PCDHGB4: variants seen among roughly 807,000 people sequenced by gnomAD.
The protein encoded by PCDHGB4 is protocadherin gamma-B4.
PCDHGB4 carries 38 observed loss-of-function variants against 60.5 expected under a neutral mutation model. That is an observed-to-expected ratio of 0.63 (90% CI 0.48 to 0.82). The LOEUF (loss-of-function observed/expected upper bound fraction) is 0.82, where lower values mean the gene tolerates loss of function less well. Ranked by LOEUF, PCDHGB4 falls within the 40% of genes least tolerant of loss-of-function variation. The probability of loss-of-function intolerance (pLI) is 0.00; values close to 1 mark genes in which losing one functional copy is unlikely to be tolerated. For synonymous variants in PCDHGB4, 456 were observed against 509.7 expected, an observed-to-expected ratio of 0.89 and a Z score of 1.42; for missense variants, 1,109 against 1,209.6, an observed-to-expected ratio of 0.92 and a Z score of 1.23.
intron 1 of PCDHGB4, among the ~76,000 whole-genome samples, chr5:141,425,382 G>A (rs1455106607): frequency 1.3e-5 from 2 of 152,208 alleles, no homozygotes; most frequent in African/African-American, 4.8e-5. Context: ...TTGATTCGGA[G>A]GTAGTGATAA....
chr5:141,393,460 A>T, intron 1 of PCDHGB4: 1 of 1,614,052 alleles, frequency 6.2e-7, no homozygotes, highest in Non-Finnish European at 8.5e-7. Flanking sequence ...ACGGCCTCGG[A>T]TGGCGGCAAG....
chr5:141,456,973 A>G (rs1276476368), intron 1 of PCDHGB4, among the ~76,000 whole-genome samples: 2 of 147,412 alleles, frequency 1.4e-5, no homozygotes, highest in Admixed American at 6.7e-5. Flanking sequence ...AAAACAAAAC[A>G]AACAAACAAA....
At chr5:141,452,460 G>A (rs750887712) in intron 1 of PCDHGB4, among the ~76,000 whole-genome samples, 1 of 152,140 alleles carries the variant, frequency 6.6e-6, no homozygotes, top group Non-Finnish European at 1.5e-5. Flanking sequence ...GTCAGCAGAC[G>A]GAGCTAGGAA....
intron 1 of PCDHGB4, among the ~76,000 whole-genome samples, chr5:141,400,971 C>T (rs1161811260): frequency 6.6e-6 from 1 of 152,138 alleles, no homozygotes; most frequent in African/African-American, 2.4e-5. Flanking sequence ...TCATCTCTTT[C>T]TTATGTTCCT....
chr5:141,420,318 T>C, intron 1 of PCDHGB4: 1 of 1,446,376 alleles, frequency 6.9e-7, no homozygotes, highest in Non-Finnish European at 9.3e-7. Context: ...TATTACAATA[T>C]GCCAATATAT....
At chr5:141,390,352 A>C (rs1340044054) in intron 1 of PCDHGB4, 71 bp downstream of exon 1, 1 of 1,557,524 alleles carries the variant, frequency 6.4e-7, no homozygotes, top group African/African-American at 1.4e-5. Context: ...GAAAATATAC[A>C]TATTTGCAGG....
In PCDHGB4 at chr5:141,388,840, C is replaced by A. The variant is rs764876092; in HGVS notation, c.956C>A (p.Ala319Glu). The stretch of plus-strand genomic sequence containing the variant: ...AAAGAATATTCCATAGTTTTGGAAG[C>A]AAGGGACGGTGGAGGAATGATTGCG... ...EVKEYSIVLE[A>E]RDGGGMIAQC... Residue 319 changes from alanine to glutamate, a missense_variant, in exon 1 of 4, where the codon GCA (alanine) becomes GAA (glutamate). By Grantham distance (107) the Ala-to-Glu change is moderately radical (BLOSUM62 -1). Coordinates refer to ENST00000519479, the MANE Select transcript of PCDHGB4 (RefSeq NM_003736.4). 4 of 1,613,900 alleles carry A rather than the reference C, an allele frequency of 2.5e-6. No homozygotes were observed. The South Asian group carries it at 4.4e-5, about 18-fold the overall frequency.
At chr5:141,440,155 A>C (rs1250255277) in intron 1 of PCDHGB4, 1 of 152,238 alleles carries the variant, frequency 6.6e-6, no homozygotes, top group Non-Finnish European at 1.5e-5. Flanking sequence ...CCCCAATTAT[A>C]GCTTGGGCCA....
rs2097370658 is a variant in PCDHGB4 at position 141,431,413 on chromosome 5, C to T, written c.2397+41132C>T. The T allele has an allele frequency of 1.2e-6, 2 of 1,613,564 alleles. No homozygotes were observed. Among genetic ancestry groups the T allele is most frequent in the African/African-American group, 2.7e-5 (2 of 74,952 alleles). ...TGGTCCTTACGGCCTCCGACGGGGG[C>T]GACCCGGTGCGCACAGGCACCGCGC... On this transcript the variant is annotated intron_variant, in intron 1 of 3. Transcript: ENST00000519479. This position sits in a 1 kb window ranked among gnomAD's most constrained non-coding sequence, Gnocchi z 4.8.
At position 141,388,026 on chromosome 5, in the gene PCDHGB4, G is replaced by A; in HGVS notation, c.142G>A (p.Gly48Arg). Residue 48 changes from glycine to arginine, a missense_variant, in exon 1 of 4, where the codon GGG (glycine) becomes AGG (arginine). This residue lies in a region of PCDHGB4 where 41 missense variants were observed against 119.7 expected (regional missense o/e 0.34). Coordinates refer to ENST00000519479, the MANE Select transcript of PCDHGB4 (RefSeq NM_003736.4). ...GGAAATGCCCAAGGGCTCCGTAGTG[G>A]GGAACCTCGCCACGGACCTGGGGTT... ...PEEMPKGSVV[G>R]NLATDLGFSV... 6.9e-7 allele frequency: 1 copy of A among 1,446,900 alleles called. No homozygotes were observed. Among genetic ancestry groups the A allele is most frequent in the South Asian group, 1.3e-5 (1 of 77,816 alleles). 89.6% of individuals were successfully genotyped at this position (1,446,900 alleles called of 1,614,324 possible). A position where few individuals can be genotyped will look rare whatever the true frequency, so the allele number is the denominator to read the frequency against.
In PCDHGB4 at chr5:141,486,581, C is replaced by T; in HGVS notation, c.2398-8226C>T. 1 of 1,613,764 alleles carries T rather than the reference C, an allele frequency of 6.2e-7. No individual in the cohort carries two copies. The highest frequency in any genetic ancestry group is 1.1e-5 in the South Asian group (1 of 91,082). On this transcript the variant is annotated intron_variant, in intron 1 of 3. Coordinates refer to ENST00000519479, the MANE Select transcript of PCDHGB4 (RefSeq NM_003736.4). This position sits in a 1 kb window ranked among gnomAD's most constrained non-coding sequence, Gnocchi z 5.0. ...GGTGTTTGTTCCTGAGAACAATCGC[C>T]CAGGGGACCTGCTTTGCTCCCTTGC... is the stretch of plus-strand genomic sequence containing the variant.
Position 141,503,868 on chromosome 5 carries a change from G to A in PCDHGB4, c.2457-1525G>A, listed in dbSNP as rs928240898. Among the ~76,000 whole-genome samples, 24 of 152,202 alleles carry A rather than the reference G, an allele frequency of 1.6e-4. No individual in the cohort carries two copies. The South Asian group carries it at 4.1e-3, about 26-fold the overall frequency. ...TTGGAAAAATTGTAAAGCAGTTCTT[G>A]GTTGTGCTCACCCACCATGACAAAA... On this transcript the variant is annotated intron_variant, in intron 2 of 3. Coordinates refer to ENST00000519479, the MANE Select transcript of PCDHGB4 (RefSeq NM_003736.4).
At chr5:141,497,209 TG>T (rs11343387) in intron 2 of PCDHGB4, among the ~76,000 whole-genome samples, 90,704 of 151,262 alleles carry the variant, frequency 0.6, 29,397 homozygotes, top group African/African-American at 0.86. Context: ...GTGAGTGTAA[TG>T]GGGGGGGGAA....
intron 1 of PCDHGB4, chr5:141,404,633 G>C: frequency 6.2e-7 from 1 of 1,614,170 alleles, no homozygotes; most frequent in Non-Finnish European, 8.5e-7. Flanking sequence ...CAATGCCCCA[G>C]AAATCCTGTA....
At position 141,431,578 on chromosome 5, in the gene PCDHGB4, C is replaced by T. The variant is rs756332070; in HGVS notation, c.2397+41297C>T. 6.2e-7 allele frequency: 1 copy of T among 1,614,164 alleles called. No homozygotes were observed. On this transcript the variant is annotated intron_variant, in intron 1 of 3. Coordinates refer to ENST00000519479, the MANE Select transcript of PCDHGB4 (RefSeq NM_003736.4). This position sits in a 1 kb window ranked among gnomAD's most constrained non-coding sequence, Gnocchi z 4.8. ...ACGCTACCGACCCTGACGAAGGAGT[C>T]AATGCGGAAGTGAGGTATTCCTTCC...
At chr5:141,482,116 T>C (rs1017195289) in intron 1 of PCDHGB4, among the ~76,000 whole-genome samples, 4 of 150,222 alleles carry the variant, frequency 2.7e-5, no homozygotes, top group South Asian at 2.1e-4. Context: ...TATCTAGAGA[T>C]GGGAGAATCA....
intron 1 of PCDHGB4, chr5:141,408,969 C>T (rs1005367761): frequency 3.7e-6 from 6 of 1,613,594 alleles, no homozygotes; most frequent in Non-Finnish European, 5.1e-6. Context: ...GAAAATCTGC[C>T]CCCTGGGTCC....
chr5:141,420,191 CAAGAT>C, intron 1 of PCDHGB4: 1 of 1,613,720 alleles, frequency 6.2e-7, no homozygotes, highest in Non-Finnish European at 8.5e-7. Context: ...TCCAGCCACA[CAAGAT>C]AACCTCAACA....
chr5:141,490,080 T>A lies in PCDHGB4; in HGVS notation c.2398-4727T>A, dbSNP rs2099695881. On this transcript the variant is annotated intron_variant, in intron 1 of 3. Coordinates refer to ENST00000519479, the MANE Select transcript of PCDHGB4 (RefSeq NM_003736.4). The surrounding 1 kb of genome is among the most constrained non-coding windows in gnomAD (Gnocchi z 5.4). ...GCACCAACGGCCAACTAGACTATTCTTTTGGAGACCACACATCTGAGGCAG... is the reference window on the plus strand; with the variant it reads ...GCACCAACGGCCAACTAGACTATTCATTTGGAGACCACACATCTGAGGCAG... The A allele has an allele frequency of 6.2e-7, 1 of 1,614,246 alleles. No homozygotes were observed. The highest frequency in any genetic ancestry group is 2.2e-5 in the East Asian group (1 of 44,884).
Sources: allele counts gnomAD v4.1 joint callset (sites outside exome capture counted in the v4.1 genomes callset), GRCh38; gene constraint gnomAD v4.1.1; regional missense constraint gnomAD v4.1.1; non-coding constraint Gnocchi (gnomAD v3.1); transcripts MANE v1.5; gene names NCBI Gene and HGNC (gene_info 2026-07-23, HGNC 2026-07-21).